MAST2: variants seen among roughly 807,000 people sequenced by gnomAD.
MAST2 encodes the protein microtubule-associated serine/threonine-protein kinase 2.
A neutral mutation model predicts 147.4 loss-of-function variants in MAST2; 70 were observed. The observed-to-expected ratio is 0.47, with a 90% CI of 0.39 to 0.58. The LOEUF (loss-of-function observed/expected upper bound fraction) is 0.58. Among genes scored for constraint, MAST2 ranks in the 20% least tolerant of loss-of-function variants. The pLI is 0.00. For synonymous variants in MAST2, 869 were observed against 896.8 expected (o/e 0.97, Z 0.55); for missense variants, 2,080 against 2,302.3 (o/e 0.90, Z 1.98).
At chr1:45,867,235 A>G (rs77649708) in intron 3 of MAST2, among the ~76,000 whole-genome samples, 5,057 of 152,310 alleles carry the variant, frequency 0.033, 285 homozygotes, top group African/African-American at 0.12. Flanking sequence ...AAACACACAA[A>G]GGTAAAGTGT....
intron 4 of MAST2, chr1:45,913,761 A>C: frequency 1.8e-6 from 2 of 1,085,146 alleles, no homozygotes; most frequent in South Asian, 4.5e-5. Flanking sequence ...ACAGAACTGC[A>C]TACCCCTTGT....
At chr1:45,897,665 T>C (rs1474103585) in intron 4 of MAST2, among the ~76,000 whole-genome samples, 1 of 151,170 alleles carries the variant, frequency 6.6e-6, no homozygotes, top group African/African-American at 2.4e-5. Flanking sequence ...AAAAATTAGC[T>C]GGGTGTGGTG....
chr1:46,010,714 T>C lies in MAST2; in HGVS notation c.979-16T>C. On this transcript the variant is annotated splice_polypyrimidine_tract_variant and intron_variant, in intron 9 of 28. Transcript: ENST00000361297. The stretch of plus-strand genomic sequence containing the variant: ...GAACTAGAAGGGAAGTGTTTCTTTC[T>C]TGCTTTTCTTCCCAGGCCACCGCAC... 1 of 1,611,150 alleles carries C rather than the reference T, an allele frequency of 6.2e-7. No homozygotes were observed. Among genetic ancestry groups the C allele is most frequent in the East Asian group, 2.2e-5 (1 of 44,872 alleles).
chr1:45,909,852 G>A (rs141751979), intron 4 of MAST2, among the ~76,000 whole-genome samples: 1,809 of 150,430 alleles, frequency 0.012, 12 homozygotes, highest in Non-Finnish European at 0.021. Context: ...TCGCTCTGTC[G>A]ACCAGGCTGG....
In MAST2 at chr1:46,032,708, T is replaced by A; in HGVS notation, c.3527T>A (p.Leu1176Gln). 1.9e-6 allele frequency: 3 copies of A among 1,613,346 alleles called. No individual in the cohort carries two copies. In the Admixed American group the frequency reaches 5.0e-5, roughly 27 times the overall value. Residue 1176 changes from leucine (L) to glutamine (Q), a missense_variant, in exon 26 of 29, where the codon CTG (leucine) becomes CAG (glutamine). Leu to Gln is a moderately radical substitution (Grantham distance 113, BLOSUM62 -2). This residue lies in a region of MAST2 where 1,278 missense variants were observed against 1,304.2 expected (regional missense o/e 0.98). Coordinates refer to ENST00000361297, the MANE Select transcript of MAST2 (RefSeq NM_015112.3). The stretch of plus-strand genomic sequence containing the variant: ...CTGGTGCACACGGAGGTGGTAGAGC[T>A]GATCCTGAAGGTTAGTGCTGGGCGT... ...HGLVHTEVVE[L>Q]ILKSGNKVAI...
In MAST2 at chr1:46,031,837, C is replaced by G. The variant is rs1488828517; in HGVS notation, c.3187+252C>G. Among the ~76,000 whole-genome samples the G allele has an allele frequency of 6.6e-6, 1 of 152,196 alleles. No homozygotes were observed. The highest frequency in any genetic ancestry group is 2.1e-4 in the South Asian group (1 of 4,830). On this transcript the variant is annotated intron_variant, in intron 24 of 28. Transcript: ENST00000361297. The surrounding 1 kb of genome is among the most constrained non-coding windows in gnomAD (Gnocchi z 4.1). ...ATCCTGGCTCCATCACTAACAGGCT[C>G]TTGACCTTGAGCAAGTTGCTTAACT...
In MAST2 at chr1:46,034,960, G is replaced by C. The variant is rs1208691947; in HGVS notation, c.4291G>C (p.Asp1431His). The change falls in exon 29 of 29, where the codon GAC (aspartate) becomes CAC (histidine). Residue 1431 changes from aspartate (D) to histidine (H), a missense_variant. Coordinates refer to ENST00000361297, the MANE Select transcript of MAST2 (RefSeq NM_015112.3). Reference sequence around the variant, plus strand: ...AGCCACTTCTCGCAAGCACAGCCTTGACCTGCCCCACTCTGAACTAAAGAA... The same window carrying C: ...AGCCACTTCTCGCAAGCACAGCCTTCACCTGCCCCACTCTGAACTAAAGAA... ...KLATSRKHSL[D>H]LPHSELKKEL... 6.2e-7 allele frequency: 1 copy of C among 1,614,086 alleles called. No homozygotes were observed. Among genetic ancestry groups the C allele is most frequent in the Non-Finnish European group, 8.5e-7 (1 of 1,180,038 alleles).
chr1:45,928,752 T>C (rs1654807218), intron 4 of MAST2, among the ~76,000 whole-genome samples: 1 of 152,082 alleles, frequency 6.6e-6, no homozygotes, highest in South Asian at 2.1e-4. Flanking sequence ...GCTAATTTTT[T>C]CTATTTTTTG....
intron 4 of MAST2, among the ~76,000 whole-genome samples, chr1:45,925,601 T>C (rs564066537): frequency 6.6e-6 from 1 of 152,312 alleles, no homozygotes; most frequent in Non-Finnish European, 1.5e-5. Context: ...AGTTTGATGT[T>C]AACAGCTTAA....
Position 46,023,256 on chromosome 1 carries a change from T to C in MAST2, c.1509T>C (p.Ser503=), listed in dbSNP as rs765856315. Residue 503 remains serine (S), a synonymous_variant, in exon 14 of 29, where the codon TCT becomes TCC. Transcript: ENST00000361297. This position sits in a 1 kb window ranked among gnomAD's most constrained non-coding sequence, Gnocchi z 4.9. ...AGGGCCATGGGGCATCTCTGCCATC[T>C]AAAAAGACACCCTCTGAAGAGGACT... is the stretch of plus-strand genomic sequence containing the variant. ...SIEGHGASLP[S]KKTPSEEDFE... is the part of the protein sequence containing the mutation. 1.9e-6 allele frequency: 3 copies of C among 1,614,178 alleles called. No individual in the cohort carries two copies. The South Asian group carries it at 3.3e-5, about 18-fold the overall frequency.
rs1299847305 is a variant in MAST2 at position 46,031,958 on chromosome 1, TC to T, written c.3188-217del. 2.0e-5 allele frequency among the ~76,000 whole-genome samples: 3 copies of T among 152,194 alleles called. No individual in the cohort carries two copies. The highest frequency in any genetic ancestry group is 7.2e-5 in the African/African-American group (3 of 41,440). On this transcript the variant is annotated intron_variant, in intron 24 of 28. Coordinates refer to ENST00000361297, the MANE Select transcript of MAST2 (RefSeq NM_015112.3). The surrounding 1 kb of genome is among the most constrained non-coding windows in gnomAD (Gnocchi z 4.1). ...AAATATATATGACAAGCTTATATAG[TC>T]CCTGATACACACATAAATGCTAGCT...
intron 4 of MAST2, among the ~76,000 whole-genome samples, chr1:45,945,255 T>C (rs1338756302): frequency 6.6e-6 from 1 of 152,164 alleles, no homozygotes; most frequent in Admixed American, 6.5e-5. Context: ...GGACTGAGAT[T>C]GCACCACTGC....
intron 4 of MAST2, among the ~76,000 whole-genome samples, chr1:45,937,751 CAAAAAAAAAAAAAAAAAAAAA>C (rs34830747): frequency 2.0e-4 from 15 of 73,216 alleles, no homozygotes; most frequent in African/African-American, 8.2e-4. Context: ...AACTCCATCT[CAAAAAAAAAAAAAAAAAAAAA>C]AAAAAAAAAA....
At position 46,034,672 on chromosome 1, in the gene MAST2, C is replaced by T. The variant is rs1265071384; in HGVS notation, c.4003C>T (p.Arg1335Cys). ...KLQRQYRSPRRKSAGSIPLSP... is the reference protein window; with the variant it reads ...KLQRQYRSPRCKSAGSIPLSP... The stretch of plus-strand genomic sequence containing the variant: ...CCAACGCCAGTACCGCTCTCCACGG[C>T]GCAAGTCAGCAGGCAGCATCCCACT... Residue 1335 changes from arginine (R) to cysteine (C), a missense_variant, in exon 29 of 29, where the codon CGC becomes TGC. Arg to Cys is a radical substitution (Grantham distance 180). Transcript: ENST00000361297. 3.7e-6 allele frequency: 6 copies of T among 1,614,172 alleles called. No homozygotes were observed. The East Asian group carries it at 8.9e-5, about 24-fold the overall frequency.
rs145442420 is a variant in MAST2, at chr1:46,031,901, T to A, written c.3188-277T>A. Reference sequence around the variant, plus strand: ...AGTTTCTTATCCAAAAATGTGGATATAATAGAGGCCAGCTGATAGGTTGTG... The same window carrying A: ...AGTTTCTTATCCAAAAATGTGGATAAAATAGAGGCCAGCTGATAGGTTGTG... On this transcript the variant is annotated intron_variant, in intron 24 of 28. Transcript: ENST00000361297. This position sits in a 1 kb window ranked among gnomAD's most constrained non-coding sequence, Gnocchi z 4.1. 2.0e-5 allele frequency among the ~76,000 whole-genome samples: 3 copies of A among 152,340 alleles called. No homozygotes were observed. In the East Asian group the frequency reaches 5.8e-4, roughly 29 times the overall value.
chr1:45,917,677 T>G (rs1377717594), intron 4 of MAST2: 1 of 562,524 alleles, frequency 1.8e-6, no homozygotes, highest in East Asian at 6.4e-5. Context: ...ATATCACAGA[T>G]TTCTGTTGTA....
At chr1:45,806,265 G>A (rs914911213) in intron 1 of MAST2, among the ~76,000 whole-genome samples, 20 of 152,234 alleles carry the variant, frequency 1.3e-4, no homozygotes, top group African/African-American at 3.6e-4. Flanking sequence ...TGGAATCATA[G>A]TGTGTACTGT....
intron 1 of MAST2, among the ~76,000 whole-genome samples, chr1:45,810,930 G>A (rs1414693769): frequency 7.3e-6 from 1 of 137,166 alleles, no homozygotes; most frequent in African/African-American, 2.7e-5. Flanking sequence ...TCAGCTCACC[G>A]CAACTTCCAC....
intron 6 of MAST2, among the ~76,000 whole-genome samples, chr1:45,999,897 C>T (rs1645203963): frequency 6.6e-6 from 1 of 152,218 alleles, no homozygotes; most frequent in Admixed American, 6.5e-5. Context: ...GAGATACCTT[C>T]ATTTGTTGAA....
Sources: allele counts gnomAD v4.1 joint callset (sites outside exome capture counted in the v4.1 genomes callset), GRCh38; gene constraint gnomAD v4.1.1; regional missense constraint gnomAD v4.1.1; non-coding constraint Gnocchi (gnomAD v3.1); transcripts MANE v1.5; gene names NCBI Gene and HGNC (gene_info 2026-07-23, HGNC 2026-07-21).